Variants in DNAJC5 observed in about 807,000 individuals in gnomAD.
The protein encoded by DNAJC5 is dnaJ homolog subfamily C member 5.
A neutral mutation model predicts 23.2 loss-of-function variants in DNAJC5; 1 was observed. The ratio of observed to expected loss-of-function variants is 0.04; its 90% CI spans 0.02 to 0.20. DNAJC5 has a LOEUF of 0.20. DNAJC5 is among the 10% of genes least tolerant of loss of function. DNAJC5 has a pLI of 1.00. For missense variants in DNAJC5, 180 were observed against 267.0 expected, an observed-to-expected ratio of 0.67 and a Z score of 2.27; for synonymous variants, 136 against 120.0, an observed-to-expected ratio of 1.13 and a Z score of -0.87.
intron 1 of DNAJC5, among the ~76,000 whole-genome samples, chr20:63,908,222 C>A (rs899957511): frequency 5.9e-5 from 9 of 152,206 alleles, no homozygotes; most frequent in Non-Finnish European, 1.3e-4. Context: ...GACAGCCCCA[C>A]GCATGGGAGG....
Position 63,895,339 on chromosome 20 carries a change from G to A in DNAJC5, c.-12+16G>A, listed in dbSNP as rs1413125574. 6.8e-6 allele frequency: 1 copy of A among 147,314 alleles called. No individual in the cohort carries two copies. The highest frequency in any genetic ancestry group is 1.5e-5 in the Non-Finnish European group (1 of 65,838). 9.1% of individuals were successfully genotyped at this position (147,314 alleles called of 1,614,324 possible). A position where few individuals can be genotyped will look rare whatever the true frequency, so the allele number is the denominator to read the frequency against. ...GGACGGGCAGGTGAGCTCGCTGCGGGTCGGGCGGGCGGATCGGCCCACGTC... is the reference window on the plus strand; with the variant it reads ...GGACGGGCAGGTGAGCTCGCTGCGGATCGGGCGGGCGGATCGGCCCACGTC... On this transcript the variant is annotated intron_variant, in intron 1 of 4. Transcript: ENST00000360864.
At chr20:63,896,390 C>T (rs1474890950) in intron 1 of DNAJC5, among the ~76,000 whole-genome samples, 1 of 152,126 alleles carries the variant, frequency 6.6e-6, no homozygotes, top group East Asian at 1.9e-4. Flanking sequence ...CTGTAGGACT[C>T]GGGGTGGCTC....
intron 1 of DNAJC5, among the ~76,000 whole-genome samples, chr20:63,904,768 A>G (rs1050013311): frequency 1.6e-4 from 24 of 152,152 alleles, no homozygotes; most frequent in Admixed American, 3.3e-4. Flanking sequence ...GCAAAGGACA[A>G]TAAGGCAGAT....
chr20:63,911,268 G>A (rs904049379), intron 1 of DNAJC5, among the ~76,000 whole-genome samples: 4 of 152,182 alleles, frequency 2.6e-5, no homozygotes, highest in African/African-American at 7.2e-5. Flanking sequence ...TCAGGAAACC[G>A]TGGTTCTGGG....
intron 1 of DNAJC5, among the ~76,000 whole-genome samples, chr20:63,898,628 G>T (rs1051248541): frequency 6.6e-6 from 1 of 152,142 alleles, no homozygotes. Context: ...CAGATCTTGA[G>T]ATCGAGAGAT....
At chr20:63,922,755 G>C (rs949196292) in intron 1 of DNAJC5, among the ~76,000 whole-genome samples, 3 of 152,090 alleles carry the variant, frequency 2.0e-5, no homozygotes, top group Non-Finnish European at 2.9e-5. Context: ...GGGTGACAGA[G>C]CAAGACCCTG....
At position 63,920,438 on chromosome 20, in the gene DNAJC5, C is replaced by T. The variant is rs1039920481; in HGVS notation, c.-11-7897C>T. ...ACGTCTGGTGGGGATGCCCGCCATG[C>T]GGGGGCCTCAGGCTACAGCCAGGGC... On this transcript the variant is annotated intron_variant, in intron 1 of 4. Coordinates refer to ENST00000360864, the MANE Select transcript of DNAJC5 (RefSeq NM_025219.3). The surrounding 1 kb of genome is among the most constrained non-coding windows in gnomAD (Gnocchi z 4.6). Among the ~76,000 whole-genome samples, 2 of 152,150 alleles carry T rather than the reference C, an allele frequency of 1.3e-5. No individual in the cohort carries two copies. The highest frequency in any genetic ancestry group is 2.9e-5 in the Non-Finnish European group (2 of 68,018).
intron 1 of DNAJC5, among the ~76,000 whole-genome samples, chr20:63,900,018 T>C (rs2053401651): frequency 6.6e-6 from 1 of 151,788 alleles, no homozygotes; most frequent in South Asian, 2.1e-4. Context: ...CCTCCTGGGT[T>C]GCTGGGATTA....
At chr20:63,910,071 G>T (rs1410909996) in intron 1 of DNAJC5, among the ~76,000 whole-genome samples, 1 of 152,182 alleles carries the variant, frequency 6.6e-6, no homozygotes, top group East Asian at 1.9e-4. Context: ...GCAGTGCTGC[G>T]GTAACGGAAG....
At chr20:63,912,038 C>T (rs1490151724) in intron 1 of DNAJC5, among the ~76,000 whole-genome samples, 4 of 152,068 alleles carry the variant, frequency 2.6e-5, no homozygotes, top group East Asian at 1.9e-4. Flanking sequence ...CACACTGGCT[C>T]ATATCTGTAA....
intron 1 of DNAJC5, among the ~76,000 whole-genome samples, chr20:63,904,736 G>A (rs1190058058): frequency 6.6e-6 from 1 of 152,188 alleles, no homozygotes; most frequent in African/African-American, 2.4e-5. Flanking sequence ...CCTTAAACAG[G>A]CTTATCTTAT....
At chr20:63,915,251 AC>A (rs1226081736) in intron 1 of DNAJC5, among the ~76,000 whole-genome samples, 1 of 152,162 alleles carries the variant, frequency 6.6e-6, no homozygotes, top group Non-Finnish European at 1.5e-5. Context: ...GATTTCTTGA[AC>A]AAAAAAGGGG....
intron 1 of DNAJC5, among the ~76,000 whole-genome samples, chr20:63,905,854 C>A (rs1472033110): frequency 1.3e-5 from 2 of 152,044 alleles, no homozygotes; most frequent in East Asian, 3.9e-4. Flanking sequence ...CCTGCCTCAG[C>A]CTCCCGAGTA....
At chr20:63,925,345 G>A (rs895612182) in intron 1 of DNAJC5, among the ~76,000 whole-genome samples, 23 of 152,040 alleles carry the variant, frequency 1.5e-4, no homozygotes, top group Admixed American at 4.6e-4. Context: ...TTACCTGGGC[G>A]TGGTTCGCGT....
intron 1 of DNAJC5, among the ~76,000 whole-genome samples, chr20:63,921,254 C>T (rs111359627): frequency 0.067 from 10,213 of 152,188 alleles, 494 homozygotes; most frequent in Middle Eastern, 0.13. Flanking sequence ...CCACCGTGCC[C>T]GGCCACCTTG....
In DNAJC5 at chr20:63,931,254, G is replaced by T; in HGVS notation, c.494-211G>T. On this transcript the variant is annotated intron_variant, in intron 4 of 4. Coordinates refer to ENST00000360864, the MANE Select transcript of DNAJC5 (RefSeq NM_025219.3). This position sits in a 1 kb window ranked among gnomAD's most constrained non-coding sequence, Gnocchi z 9.6. ...GTAGATCCCAGGGACTGCGAGGCGG[G>T]GCAGGGCGGCAGGCAGTTGGGGCGG... The T allele has an allele frequency of 2.6e-6, 2 of 777,174 alleles. No homozygotes were observed. The highest frequency in any genetic ancestry group is 4.0e-5 in the Admixed American group (2 of 49,708). 48.1% of individuals were successfully genotyped at this position (777,174 alleles called of 1,614,324 possible). A position where few individuals can be genotyped will look rare whatever the true frequency, so the allele number is the denominator to read the frequency against.
intron 1 of DNAJC5, among the ~76,000 whole-genome samples, chr20:63,917,755 C>T (rs2053525159): frequency 6.6e-6 from 1 of 152,078 alleles, no homozygotes; most frequent in Admixed American, 6.6e-5. Context: ...CAGGGTTTCA[C>T]CATGTTGACC....
intron 3 of DNAJC5, among the ~76,000 whole-genome samples, 160 bp from the exon 4 acceptor site, chr20:63,930,691 C>T (rs1243950400): frequency 1.3e-5 from 2 of 152,202 alleles, no homozygotes; most frequent in Non-Finnish European, 2.9e-5. Context: ...TCTGTCTCTC[C>T]TCCTCCCTTC....
intron 1 of DNAJC5, among the ~76,000 whole-genome samples, chr20:63,919,265 T>G (rs1212122589): frequency 2.0e-5 from 3 of 152,244 alleles, no homozygotes; most frequent in Non-Finnish European, 4.4e-5. Flanking sequence ...TTGGTTTATT[T>G]TGTTACCACT....
Sources: gnomAD v4.1 joint callset for allele counts (sites outside exome capture counted in the v4.1 genomes callset) on GRCh38, gnomAD v4.1.1 for gene constraint, Gnocchi (gnomAD v3.1) non-coding constraint, MANE v1.5 for transcripts, NCBI Gene and HGNC (gene_info 2026-07-23, HGNC 2026-07-21) for gene names.